The following ABCG4 variants were observed in gnomAD, a reference collection of about 807,000 sequenced individuals.
ABCG4 encodes ATP-binding cassette sub-family G member 4.
In ABCG4, 35 loss-of-function variants were observed where a neutral mutation model predicts 64.6. The observed-to-expected ratio is 0.54, with a 90% CI of 0.41 to 0.72. ABCG4 has a LOEUF of 0.72. ABCG4 is among the 30% of genes least tolerant of loss of function. The pLI, the probability that ABCG4 is intolerant of heterozygous loss-of-function variation, is 0.00. For missense variants in ABCG4, 610 were observed against 846.3 expected (o/e 0.72, Z 3.46); for synonymous variants, 326 against 348.2 (o/e 0.94, Z 0.71).
intron 2 of ABCG4, among the ~76,000 whole-genome samples, chr11:119,151,812 C>G (rs1948196151): frequency 6.6e-6 from 1 of 152,176 alleles, no homozygotes; most frequent in Non-Finnish European, 1.5e-5. Flanking sequence ...AGCCCAAGGG[C>G]CTGGCTGGCC....
In ABCG4 at chr11:119,156,968, G is replaced by A. The variant is rs1056913805; in HGVS notation, c.1022G>A (p.Ser341Asn). Reference protein sequence around the residue: ...GLCAMAEKKSSPEKNEVPAPC... With the variant: ...GLCAMAEKKSNPEKNEVPAPC... ...TGCGCTATGGCTGAGAAGAAGAGCA[G>A]CCCTGAGAAGAACGAGGTCCCTGCC... The change falls in exon 9 of 15, where the codon AGC (serine) becomes AAC (asparagine). Residue 341 changes from serine to asparagine, a missense_variant. Physicochemically the swap from Ser to Asn is conservative, Grantham distance 46. Coordinates refer to ENST00000619701, the MANE Select transcript of ABCG4 (RefSeq NM_022169.5). This position sits in a 1 kb window ranked among gnomAD's most constrained non-coding sequence, Gnocchi z 5.5. 6.2e-7 allele frequency: 1 copy of A among 1,613,844 alleles called. No homozygotes were observed. The highest frequency in any genetic ancestry group is 8.5e-7 in the Non-Finnish European group (1 of 1,179,884).
At chr11:119,157,213 T>C (rs1472972637) in intron 9 of ABCG4, among the ~76,000 whole-genome samples, 199 bp downstream of exon 9, 1 of 152,208 alleles carries the variant, frequency 6.6e-6, no homozygotes, top group African/African-American at 2.4e-5. Flanking sequence ...GAGCTCCAGT[T>C]TCCTCATTGA....
chr11:119,161,694 T>C lies in ABCG4; in HGVS notation c.*588T>C, dbSNP rs1306603182. 6.5e-6 allele frequency: 1 copy of C among 153,362 alleles called. No homozygotes were observed. The highest frequency in any genetic ancestry group is 1.5e-5 in the Non-Finnish European group (1 of 68,690). The allele number at this position is 153,362 out of a possible 1,614,324, so 9.5% of individuals were successfully genotyped here. On this transcript the variant is annotated 3_prime_UTR_variant, in exon 15 of 15. Coordinates refer to ENST00000619701, the MANE Select transcript of ABCG4 (RefSeq NM_022169.5). ...TTGGACAATCTGCCAGGACAGAAGC[T>C]GGGTTTTCTGTCTAGGTCACCACTC...
In ABCG4 at chr11:119,156,526, C is replaced by A. The variant is rs778011563; in HGVS notation, c.811-38C>A. 6.2e-7 allele frequency: 1 copy of A among 1,613,758 alleles called. No homozygotes were observed. Among genetic ancestry groups the A allele is most frequent in the Non-Finnish European group, 8.5e-7 (1 of 1,179,810 alleles). ...GAAGGGGGTCAGTAGGGGTGCCTGG[C>A]CCGCTGTTCCTTCCTTACCCTTCTC... is the stretch of plus-strand genomic sequence containing the variant. On this transcript the variant is annotated intron_variant, in intron 7 of 14. Transcript: ENST00000619701. The surrounding 1 kb of genome is among the most constrained non-coding windows in gnomAD (Gnocchi z 5.5).
At chr11:119,157,080 G>C in intron 9 of ABCG4, 66 bp downstream of exon 9, 1 of 1,523,110 alleles carries the variant, frequency 6.6e-7, no homozygotes, top group South Asian at 1.3e-5. Context: ...ATGGACAGTG[G>C]CCCTGCCAAA....
rs1565813685 is a variant in ABCG4 at position 119,154,115 on chromosome 11, A to G, written c.328A>G (p.Thr110Ala). The G allele has an allele frequency of 1.2e-6, 2 of 1,614,198 alleles. No individual in the cohort carries two copies. The highest frequency in any genetic ancestry group is 8.5e-7 in the Non-Finnish European group (1 of 1,180,026). ...GGGCCCCTCAGGGGCTGGCAAGTCT[A>G]CATTCATGAACATCTTGGCAGGATA... Reference protein sequence around the residue: ...IMGPSGAGKSTFMNILAGYRE... With the variant: ...IMGPSGAGKSAFMNILAGYRE... The change falls in exon 3 of 15, where the codon ACA becomes GCA. Residue 110 changes from threonine to alanine, a missense_variant. Transcript: ENST00000619701. This position sits in a 1 kb window ranked among gnomAD's most constrained non-coding sequence, Gnocchi z 7.0.
In ABCG4 at chr11:119,160,409, T is replaced by G; in HGVS notation, c.1596+24T>G. 1 of 1,603,418 alleles carries G rather than the reference T, an allele frequency of 6.2e-7. No individual in the cohort carries two copies. The highest frequency in any genetic ancestry group is 8.5e-7 in the Non-Finnish European group (1 of 1,171,764). On this transcript the variant is annotated intron_variant, in intron 13 of 14. Coordinates refer to ENST00000619701, the MANE Select transcript of ABCG4 (RefSeq NM_022169.5). This position sits in a 1 kb window ranked among gnomAD's most constrained non-coding sequence, Gnocchi z 4.6. ...AGGTGGGAGGGCTGGCAGTTGGGAATTCCCAAGGCGGGATGAGGTCTTGTG... is the reference window on the plus strand; with the variant it reads ...AGGTGGGAGGGCTGGCAGTTGGGAAGTCCCAAGGCGGGATGAGGTCTTGTG...
rs1484289898 is a variant in ABCG4, at chr11:119,158,147, C to T, written c.1069-87C>T. 2 of 1,104,294 alleles carry T rather than the reference C, an allele frequency of 1.8e-6. No homozygotes were observed. The highest frequency in any genetic ancestry group is 4.8e-5 in the East Asian group (2 of 41,936). The allele number at this position is 1,104,294 out of a possible 1,614,324, so 68.4% of individuals were successfully genotyped here. A position where few individuals can be genotyped will look rare whatever the true frequency, so the allele number is the denominator to read the frequency against. On this transcript the variant is annotated intron_variant, in intron 9 of 14. Transcript: ENST00000619701. This position sits in a 1 kb window ranked among gnomAD's most constrained non-coding sequence, Gnocchi z 4.5. ...GGAGGACCCCTACCCTGGGGAAGAG[C>T]TCTGAGGTTTTTCATTCACTGAGCT...
chr11:119,156,638 C>T lies in ABCG4; in HGVS notation c.885C>T (p.Leu295=), dbSNP rs369798507. Residue 295 remains leucine (L), a synonymous_variant, in exon 8 of 15, where the codon CTC becomes CTT. Coordinates refer to ENST00000619701, the MANE Select transcript of ABCG4 (RefSeq NM_022169.5). The surrounding 1 kb of genome is among the most constrained non-coding windows in gnomAD (Gnocchi z 5.5). ...VTNLIPYLKG[L]GLHCPTYHNP... ...ACCTGATCCCCTATCTAAAGGGACT[C>T]GGCTTGCATTGCCCCACCTACCACA... 94 of 1,614,148 alleles carry T rather than the reference C, an allele frequency of 5.8e-5. No individual in the cohort carries two copies. The highest frequency in any genetic ancestry group is 2.5e-4 in the South Asian group (23 of 91,074).
In ABCG4 at chr11:119,158,721, C is replaced by T. The variant is rs763543391; in HGVS notation, c.1332C>T (p.Leu444=). ...TCGCCGCCCTCATGCCAACTGTGCT[C>T]ACCTGTGAGCTGAGCTGCCCTGGGC... The part of the protein sequence containing the change: ...LMFAALMPTV[L]TFPLEMAVFM... The change falls in exon 11 of 15, where the codon CTC becomes CTT. Residue 444 remains leucine, a synonymous_variant. Coordinates refer to ENST00000619701, the MANE Select transcript of ABCG4 (RefSeq NM_022169.5). The surrounding 1 kb of genome is among the most constrained non-coding windows in gnomAD (Gnocchi z 4.5). 2.5e-6 allele frequency: 4 copies of T among 1,614,040 alleles called. No individual in the cohort carries two copies. The highest frequency in any genetic ancestry group is 3.4e-6 in the Non-Finnish European group (4 of 1,180,040).
chr11:119,160,219 C>G lies in ABCG4; in HGVS notation c.1438-8C>G. On this transcript the variant is annotated splice_polypyrimidine_tract_variant and splice_region_variant and intron_variant, in intron 12 of 14. Coordinates refer to ENST00000619701, the MANE Select transcript of ABCG4 (RefSeq NM_022169.5). This position sits in a 1 kb window ranked among gnomAD's most constrained non-coding sequence, Gnocchi z 4.6. ...AAGTCCACTGTCCAGCCCGTGCCCACTCCCCAGGTGGTGTGTCCGGTGGTC... is the reference window on the plus strand; with the variant it reads ...AAGTCCACTGTCCAGCCCGTGCCCAGTCCCCAGGTGGTGTGTCCGGTGGTC... The G allele has an allele frequency of 6.2e-7, 1 of 1,604,268 alleles. No homozygotes were observed. The highest frequency in any genetic ancestry group is 8.5e-7 in the Non-Finnish European group (1 of 1,172,456).
In ABCG4 at chr11:119,154,859, C is replaced by A; in HGVS notation, c.630C>A (p.Ala210=). 6.2e-7 allele frequency: 1 copy of A among 1,614,090 alleles called. No homozygotes were observed. The highest frequency in any genetic ancestry group is 2.2e-5 in the East Asian group (1 of 44,888). Residue 210 remains alanine, a synonymous_variant, in exon 6 of 15, where the codon GCC becomes GCA. Transcript: ENST00000619701. This position sits in a 1 kb window ranked among gnomAD's most constrained non-coding sequence, Gnocchi z 7.0. ...CTGGCGGGCAGAGGAAGCGTCTGGC[C>A]ATCGCCCTGGAGCTGGTCAACAACC... is the stretch of plus-strand genomic sequence containing the variant. The part of the protein sequence containing the change: ...LLSGGQRKRL[A]IALELVNNPP...
At position 119,156,065 on chromosome 11, in the gene ABCG4, C is replaced by G. The variant is rs933033880; in HGVS notation, c.687-264C>G. 2 of 460,068 alleles carry G rather than the reference C, an allele frequency of 4.3e-6. No individual in the cohort carries two copies. The highest frequency in any genetic ancestry group is 3.9e-5 in the African/African-American group (2 of 50,962). The allele number at this position is 460,068 out of a possible 1,614,324, so 28.5% of individuals were successfully genotyped here. A position where few individuals can be genotyped will look rare whatever the true frequency, so the allele number is the denominator to read the frequency against. On this transcript the variant is annotated intron_variant, in intron 6 of 14. Coordinates refer to ENST00000619701, the MANE Select transcript of ABCG4 (RefSeq NM_022169.5). The surrounding 1 kb of genome is among the most constrained non-coding windows in gnomAD (Gnocchi z 5.5). Reference sequence around the variant, plus strand: ...TGCTTGTCTCTCTCTCCTTCCAGACCAGAGTCTATGTCTTATTTATGCATC... The same window carrying G: ...TGCTTGTCTCTCTCTCCTTCCAGACGAGAGTCTATGTCTTATTTATGCATC...
intron 9 of ABCG4, among the ~76,000 whole-genome samples, chr11:119,157,764 G>T (rs1390009021): frequency 6.6e-6 from 1 of 152,214 alleles, no homozygotes; most frequent in Non-Finnish European, 1.5e-5. Flanking sequence ...TACTCGGGAG[G>T]CTGAGGCAGG....
At position 119,150,247 on chromosome 11, in the gene ABCG4, G is replaced by A; in HGVS notation, c.238+44G>A. On this transcript the variant is annotated intron_variant, in intron 2 of 14. Coordinates refer to ENST00000619701, the MANE Select transcript of ABCG4 (RefSeq NM_022169.5). This position sits in a 1 kb window ranked among gnomAD's most constrained non-coding sequence, Gnocchi z 4.3. The stretch of plus-strand genomic sequence containing the variant: ...GGGGGAGTCCGTGGGCCCTCTCTGA[G>A]TTGCCTCTCCAGAAGCATGAGGCCT... 6.3e-7 allele frequency: 1 copy of A among 1,592,824 alleles called. No individual in the cohort carries two copies.
Position 119,149,430 on chromosome 11 carries a change from G to C in ABCG4, c.-13+67G>C, listed in dbSNP as rs1565811697. 1 of 152,778 alleles carries C rather than the reference G, an allele frequency of 6.5e-6. No homozygotes were observed. The highest frequency in any genetic ancestry group is 1.5e-5 in the Non-Finnish European group (1 of 68,554). 9.5% of individuals were successfully genotyped at this position (152,778 alleles called of 1,614,324 possible). A position where few individuals can be genotyped will look rare whatever the true frequency, so the allele number is the denominator to read the frequency against. Reference sequence around the variant, plus strand: ...CGTGGGGCGCTTAGTTTTGAGTCCGGGTGGTGCGCCTGGCTTTGGGGACAG... The same window carrying C: ...CGTGGGGCGCTTAGTTTTGAGTCCGCGTGGTGCGCCTGGCTTTGGGGACAG... On this transcript the variant is annotated intron_variant, in intron 1 of 14. Coordinates refer to ENST00000619701, the MANE Select transcript of ABCG4 (RefSeq NM_022169.5). The surrounding 1 kb of genome is among the most constrained non-coding windows in gnomAD (Gnocchi z 8.3).
At position 119,154,146 on chromosome 11, in the gene ABCG4, A is replaced by G. The variant is rs546590687; in HGVS notation, c.356+3A>G. 29 of 1,614,074 alleles carry G rather than the reference A, an allele frequency of 1.8e-5. No homozygotes were observed. The South Asian group carries it at 2.9e-4, about 16-fold the overall frequency. ...ATGAACATCTTGGCAGGATACAGGT[A>G]AGGAAGAGACTGGGGTGGAATGGAG... On this transcript the variant is annotated splice_donor_region_variant and intron_variant, in intron 3 of 14. Coordinates refer to ENST00000619701, the MANE Select transcript of ABCG4 (RefSeq NM_022169.5). This position sits in a 1 kb window ranked among gnomAD's most constrained non-coding sequence, Gnocchi z 7.0.
Position 119,156,521 on chromosome 11 carries a change from C to G in ABCG4, c.811-43C>G. 6.2e-7 allele frequency: 1 copy of G among 1,613,790 alleles called. No homozygotes were observed. Among genetic ancestry groups the G allele is most frequent in the Non-Finnish European group, 8.5e-7 (1 of 1,179,722 alleles). On this transcript the variant is annotated intron_variant, in intron 7 of 14. Transcript: ENST00000619701. This position sits in a 1 kb window ranked among gnomAD's most constrained non-coding sequence, Gnocchi z 5.5. Reference sequence around the variant, plus strand: ...GGATGGAAGGGGGTCAGTAGGGGTGCCTGGCCCGCTGTTCCTTCCTTACCC... The same window carrying G: ...GGATGGAAGGGGGTCAGTAGGGGTGGCTGGCCCGCTGTTCCTTCCTTACCC...
intron 12 of ABCG4, among the ~76,000 whole-genome samples, chr11:119,159,896 T>C (rs986244906): frequency 5.3e-5 from 8 of 151,848 alleles, no homozygotes; most frequent in Non-Finnish European, 1.2e-4. Context: ...ACAAAATGGC[T>C]CTCCTATGGA....
Sources: gnomAD v4.1 joint callset for allele counts (sites outside exome capture counted in the v4.1 genomes callset) on GRCh38, gnomAD v4.1.1 for gene constraint, Gnocchi (gnomAD v3.1) non-coding constraint, MANE v1.5 for transcripts, NCBI Gene and HGNC (gene_info 2026-07-23, HGNC 2026-07-21) for gene names.